The following NT5C2 variants were observed in gnomAD, a reference collection of about 807,000 sequenced individuals.
The protein encoded by NT5C2 is 5'-nucleotidase, cytosolic II, also known as cytosolic purine 5'-nucleotidase.
In NT5C2, 58 loss-of-function variants were observed where a neutral mutation model predicts 76.1. That is an observed-to-expected ratio of 0.76 (90% CI 0.62 to 0.95). The LOEUF (loss-of-function observed/expected upper bound fraction) is 0.95, where lower values mean the gene tolerates loss of function less well. NT5C2 is among the 40% of genes least tolerant of loss of function. NT5C2 has a pLI of 0.00. For missense variants in NT5C2, 478 were observed against 690.3 expected, an observed-to-expected ratio of 0.69 and a Z score of 3.45; for synonymous variants, 229 against 237.4, an observed-to-expected ratio of 0.96 and a Z score of 0.32.
chr10:103,192,667 C>G (rs1415765791), intron 1 of NT5C2, among the ~76,000 whole-genome samples: 1 of 152,160 alleles, frequency 6.6e-6, no homozygotes, highest in Non-Finnish European at 1.5e-5. Context: ...GGCCGTTTCT[C>G]GCGGTCCTGC....
At chr10:103,118,361 C>T (rs1591025044) in intron 4 of NT5C2, among the ~76,000 whole-genome samples, 3 of 137,772 alleles carry the variant, frequency 2.2e-5, no homozygotes, top group Admixed American at 7.4e-5. Flanking sequence ...ATTTCTTTTC[C>T]TTTTTTTTTT....
chr10:103,158,751 G>C (rs2084022924), intron 3 of NT5C2, among the ~76,000 whole-genome samples: 2 of 151,792 alleles, frequency 1.3e-5, no homozygotes, highest in African/African-American at 4.8e-5. Context: ...CCAGGAGGCG[G>C]AGGTTGCTGT....
chr10:103,182,009 CAAAAAAAA>C (rs372557039), intron 1 of NT5C2, among the ~76,000 whole-genome samples: 1 of 124,844 alleles, frequency 8.0e-6, no homozygotes, highest in Admixed American at 8.4e-5. Flanking sequence ...GACTCTATCT[CAAAAAAAA>C]AAAAAAGAAA....
intron 3 of NT5C2, among the ~76,000 whole-genome samples, chr10:103,173,997 G>A (rs2089084491): frequency 6.6e-6 from 1 of 151,692 alleles, no homozygotes; most frequent in African/African-American, 2.4e-5. Flanking sequence ...TTGGGAGGCT[G>A]AGGCAGGAGA....
chr10:103,105,666 C>CT lies in NT5C2; in HGVS notation c.389+39dup, dbSNP rs775779091. 3.8e-6 allele frequency: 5 copies of CT among 1,320,184 alleles called. No individual in the cohort carries two copies. In the East Asian group the frequency reaches 9.2e-5, roughly 24 times the overall value. The allele number at this position is 1,320,184 out of a possible 1,614,324, so 81.8% of individuals were successfully genotyped here. ...ATGATGTCATCTTCACATTGTTTGA[C>CT]TTTAACATTAGAAAGAGGCTAAAGG... On this transcript the variant is annotated intron_variant, in intron 6 of 18. Transcript: ENST00000404739.
At chr10:103,102,006 G>A (rs2069831864) in intron 6 of NT5C2, among the ~76,000 whole-genome samples, 1 of 152,068 alleles carries the variant, frequency 6.6e-6, no homozygotes, top group Non-Finnish European at 1.5e-5. Context: ...GGGGCAAGAG[G>A]GTACTACTGA....
chr10:103,175,628 G>A (rs1022170191), intron 2 of NT5C2: 1 of 216,426 alleles, frequency 4.6e-6, no homozygotes, highest in South Asian at 8.8e-5. Context: ...CCCTGCAAAG[G>A]CCAACGGACA....
chr10:103,181,638 A>C (rs900902079), intron 1 of NT5C2, among the ~76,000 whole-genome samples: 9 of 152,202 alleles, frequency 5.9e-5, no homozygotes, highest in African/African-American at 2.2e-4. Context: ...ACTTAACATA[A>C]TGTTAAGAAA....
intron 4 of NT5C2, among the ~76,000 whole-genome samples, chr10:103,109,712 C>T (rs1188023496): frequency 6.6e-6 from 1 of 152,136 alleles, no homozygotes; most frequent in Non-Finnish European, 1.5e-5. Flanking sequence ...CCTAAATCAG[C>T]AATTTCTCCA....
chr10:103,152,382 C>T (rs1023172670), intron 3 of NT5C2, among the ~76,000 whole-genome samples: 2 of 152,086 alleles, frequency 1.3e-5, no homozygotes, highest in Non-Finnish European at 1.5e-5. Context: ...TGGTTGTTCT[C>T]GTTATTCAAT....
intron 4 of NT5C2, among the ~76,000 whole-genome samples, chr10:103,116,245 G>C (rs2074305273): frequency 6.6e-6 from 1 of 152,122 alleles, no homozygotes; most frequent in Non-Finnish European, 1.5e-5. Flanking sequence ...GTAATGAGCT[G>C]CTTTAAACAC....
intron 4 of NT5C2, among the ~76,000 whole-genome samples, chr10:103,122,298 C>T (rs1353024835): frequency 6.6e-6 from 1 of 152,216 alleles, no homozygotes; most frequent in Admixed American, 6.5e-5. Context: ...AACACAGTTT[C>T]TATCTGTATT....
At chr10:103,091,932 G>T (rs1391743093) in intron 15 of NT5C2, among the ~76,000 whole-genome samples, 1 of 152,170 alleles carries the variant, frequency 6.6e-6, no homozygotes, top group African/African-American at 2.4e-5. Flanking sequence ...GCTGTCTCAG[G>T]TGCAGTCAGC....
At position 103,134,806 on chromosome 10, in the gene NT5C2, G is replaced by A. The variant is rs183904343; in HGVS notation, c.175+4600C>T. The stretch of plus-strand genomic sequence containing the variant: ...AGCTGTACCCTGCAAAGCCACAGAA[G>A]TGGAGCTGCCCAAAACCATGGGAAT... On this transcript the variant is annotated intron_variant, in intron 4 of 18. Coordinates refer to ENST00000404739, the MANE Select transcript of NT5C2 (RefSeq NM_001351169.2). 7.2e-5 allele frequency among the ~76,000 whole-genome samples: 11 copies of A among 152,360 alleles called. No homozygotes were observed. The East Asian group carries it at 2.1e-3, about 29-fold the overall frequency.
chr10:103,144,380 T>G (rs978499198), intron 3 of NT5C2, among the ~76,000 whole-genome samples: 2 of 152,190 alleles, frequency 1.3e-5, no homozygotes, highest in Non-Finnish European at 2.9e-5. Flanking sequence ...GCTAGCTAGC[T>G]TCAAGCACAG....
intron 1 of NT5C2, among the ~76,000 whole-genome samples, chr10:103,183,291 A>ATATATATATATATC: frequency 1.6e-5 from 2 of 128,132 alleles, no homozygotes; most frequent in South Asian, 5.1e-4. Context: ...ATATATATAT[A>ATATATATATATATC]TATCACACAC....
intron 1 of NT5C2, among the ~76,000 whole-genome samples, chr10:103,189,404 G>A (rs1243447489): frequency 6.6e-6 from 1 of 151,780 alleles, no homozygotes; most frequent in Non-Finnish European, 1.5e-5. Flanking sequence ...TAAAGAGATT[G>A]AGACCATCCT....
At chr10:103,162,819 GTAA>G (rs1490585776) in intron 3 of NT5C2, among the ~76,000 whole-genome samples, 6 of 151,782 alleles carry the variant, frequency 4.0e-5, no homozygotes, top group Non-Finnish European at 8.8e-5. Context: ...CTAAAATACA[GTAA>G]TAGTTTATTT....
At chr10:103,092,591 A>G (rs1314035697) in intron 15 of NT5C2, among the ~76,000 whole-genome samples, 5 of 152,250 alleles carry the variant, frequency 3.3e-5, no homozygotes, top group African/African-American at 7.2e-5. Flanking sequence ...GAGAACTTGT[A>G]TATCAAGCAC....
Sources: allele counts gnomAD v4.1 joint callset (sites outside exome capture counted in the v4.1 genomes callset), GRCh38; gene constraint gnomAD v4.1.1; transcripts MANE v1.5; gene names NCBI Gene and HGNC (gene_info 2026-07-23, HGNC 2026-07-21).